OPRM1: variants seen among roughly 807,000 people sequenced by gnomAD.
The protein encoded by OPRM1 is mu-type opioid receptor.
In OPRM1, 27 loss-of-function variants were observed where a neutral mutation model predicts 31.8. That is an observed-to-expected ratio of 0.85 (90% CI 0.63 to 1.17). The LOEUF (loss-of-function observed/expected upper bound fraction) is 1.17. Among genes scored for constraint, OPRM1 ranks in the 50% most tolerant of loss-of-function variants. The pLI is 0.00. For missense variants in OPRM1, 536 were observed against 511.1 expected (o/e 1.05, Z -0.47); for synonymous variants, 196 against 189.9 (o/e 1.03, Z -0.26).
At chr6:154,080,523 CACTT>C (rs1429928298) in intron 1 of OPRM1, among the ~76,000 whole-genome samples, 2 of 152,230 alleles carry the variant, frequency 1.3e-5, no homozygotes. Context: ...CTCTCACACT[CACTT>C]ATTTCTGACG....
chr6:154,228,415 G>A (rs1222441741), intron 3 of OPRM1, among the ~76,000 whole-genome samples: 1 of 152,002 alleles, frequency 6.6e-6, no homozygotes, highest in Non-Finnish European at 1.5e-5. Context: ...CAAACCCATC[G>A]TTTGGCCATT....
In OPRM1 at chr6:154,123,051, C is replaced by A. The variant is rs1562492491; in HGVS notation, c.*4330C>A. 6.6e-6 allele frequency among the ~76,000 whole-genome samples: 1 copy of A among 152,192 alleles called. No homozygotes were observed. Among genetic ancestry groups the A allele is most frequent in the African/African-American group, 2.4e-5 (1 of 41,450 alleles). ...ATAAGCAAAAGAGGAAAGCTCTCTG[C>A]AGCAGAGACGGGAGCCCAAGTGGGT... On this transcript the variant is annotated 3_prime_UTR_variant, in exon 4 of 4. Transcript: ENST00000330432.
At chr6:154,136,084 G>T (rs1037953187), downstream of OPRM1, among the ~76,000 whole-genome samples, 3 of 152,126 alleles carry the variant, frequency 2.0e-5, no homozygotes, top group Admixed American at 6.5e-5. Context: ...CCTCCAGGAA[G>T]GCTGAGACAT....
At chr6:154,199,715 T>C (rs747264717) in intron 3 of OPRM1, 8 of 1,614,002 alleles carry the variant, frequency 5.0e-6, no homozygotes, top group Non-Finnish European at 6.8e-6. Context: ...GACAGTAAGA[T>C]GGTCATGATT....
In OPRM1 at chr6:154,109,792, C is replaced by CTGTGTGTG. The variant is rs377400514; in HGVS notation, c.1165-8857_1165-8850dup. 3.5e-3 allele frequency among the ~76,000 whole-genome samples: 356 copies of CTGTGTGTG among 101,256 alleles called. 3 individuals are homozygous for CTGTGTGTG. The highest frequency in any genetic ancestry group is 0.013 in the African/African-American group (343 of 26,300). The allele number at this position is 101,256 out of a possible 152,430, so 66.4% of individuals were successfully genotyped here. A position where few individuals can be genotyped will look rare whatever the true frequency, so the allele number is the denominator to read the frequency against. ...CCTCTCTCTCTCTCTCTCTCTCTCT[C>CTGTGTGTG]TGTGTGTGTGTGTGTGTGTGTGTGT... On this transcript the variant is annotated intron_variant, in intron 3 of 3. Coordinates refer to ENST00000330432, the MANE Select transcript of OPRM1 (RefSeq NM_000914.5).
At position 154,181,332 on chromosome 6, in the gene OPRM1, C is replaced by T. The variant is rs570892309; in HGVS notation, c.1165-65361C>T. Among the ~76,000 whole-genome samples the T allele has an allele frequency of 2.0e-5, 3 of 152,218 alleles. No homozygotes were observed. In the South Asian group the frequency reaches 6.2e-4, roughly 32 times the overall value. On this transcript the variant is annotated intron_variant, in intron 3 of 3. Transcript: ENST00000337049. ...CATTGAGTTTTTACTATGTGACATG[C>T]ACTGTGTTAATTCTTAGACCAACGT... is the stretch of plus-strand genomic sequence containing the variant.
chr6:154,165,693 C>G (rs1286468009), intron 3 of OPRM1, among the ~76,000 whole-genome samples: 1 of 152,210 alleles, frequency 6.6e-6, no homozygotes, highest in Non-Finnish European at 1.5e-5. Flanking sequence ...CTTGTGTAAT[C>G]TCCTCCCTGA....
At position 154,162,527 on chromosome 6, in the gene OPRM1, GAC is replaced by G. The variant is rs1799107914; in HGVS notation, c.1164+71056_1164+71057del. Among the ~76,000 whole-genome samples, 5 of 152,116 alleles carry G rather than the reference GAC, an allele frequency of 3.3e-5. No individual in the cohort carries two copies. In the South Asian group the frequency reaches 1.0e-3, roughly 32 times the overall value. On this transcript the variant is annotated intron_variant, in intron 3 of 3. Transcript: ENST00000337049. ...TTTATCAGCAGCACCTAAAACAATT[GAC>G]TACTCCTCCTTCTTGAACAGTTTCA...
At chr6:154,061,689 G>T (rs1378727900) in intron 1 of OPRM1, among the ~76,000 whole-genome samples, 4 of 151,938 alleles carry the variant, frequency 2.6e-5, no homozygotes, top group African/African-American at 7.3e-5. Flanking sequence ...TGGGAGGAGG[G>T]TAAGGATCAA....
downstream of OPRM1, among the ~76,000 whole-genome samples, chr6:154,135,147 T>C (rs975176582): frequency 2.6e-5 from 4 of 152,218 alleles, no homozygotes; most frequent in African/African-American, 9.6e-5. Flanking sequence ...TATCTTCCCT[T>C]ATTAAGTCTA....
chr6:154,231,244 G>C (rs1409019238), intron 3 of OPRM1, among the ~76,000 whole-genome samples: 1 of 152,154 alleles, frequency 6.6e-6, no homozygotes, highest in African/African-American at 2.4e-5. Context: ...AGAAAAGTTA[G>C]GATAAAATTC....
At chr6:154,086,311 G>A (rs956613742) in intron 1 of OPRM1, among the ~76,000 whole-genome samples, 13 of 152,148 alleles carry the variant, frequency 8.5e-5, no homozygotes, top group African/African-American at 3.1e-4. Context: ...AGTAACTGGG[G>A]TAAGAATGCT....
chr6:154,011,956 A>G (rs1777753269), intron 1 of OPRM1, among the ~76,000 whole-genome samples: 1 of 152,162 alleles, frequency 6.6e-6, no homozygotes, highest in African/African-American at 2.4e-5. Flanking sequence ...TCAACTGTCA[A>G]CTAAATAATT....
At chr6:154,109,100 C>T (rs1583585638) in intron 3 of OPRM1, 1 of 914,962 alleles carries the variant, frequency 1.1e-6, no homozygotes, top group Non-Finnish European at 1.3e-6. Context: ...AGACAATACA[C>T]TTCAGGAACG....
intron 3 of OPRM1, among the ~76,000 whole-genome samples, chr6:154,192,344 G>GTGTGTGTT (rs1801974037): frequency 4.0e-5 from 6 of 150,834 alleles, no homozygotes; most frequent in Admixed American, 1.3e-4. Context: ...GTGTGTGTGT[G>GTGTGTGTT]TGTGTGTGTA....
rs1303284039 is a variant in OPRM1, at chr6:154,130,065, T to C, written c.*11344T>C. On this transcript the variant is annotated 3_prime_UTR_variant, in exon 4 of 4. Transcript: ENST00000330432. ...CTGGAAGTAAACTTAAAATGAAAAT[T>C]AGAATTTGCTTTCAATTATACTATC... Among the ~76,000 whole-genome samples the C allele has an allele frequency of 7.3e-6, 1 of 137,232 alleles. No homozygotes were observed. The highest frequency in any genetic ancestry group is 2.3e-4 in the East Asian group (1 of 4,352). The allele number at this position is 137,232 out of a possible 152,430, so 90.0% of individuals were successfully genotyped here.
chr6:154,208,010 T>A (rs1041469835), intron 3 of OPRM1, among the ~76,000 whole-genome samples: 2 of 152,220 alleles, frequency 1.3e-5, no homozygotes, highest in Non-Finnish European at 2.9e-5. Flanking sequence ...AATAGCTTAC[T>A]GTATACCCTC....
At chr6:154,044,703 A>G (rs1225526648) in intron 1 of OPRM1, among the ~76,000 whole-genome samples, 1 of 152,240 alleles carries the variant, frequency 6.6e-6, no homozygotes, top group Non-Finnish European at 1.5e-5. Flanking sequence ...CTAAGAAGAA[A>G]ATACAAATAA....
intron 1 of OPRM1, among the ~76,000 whole-genome samples, chr6:154,088,493 T>C (rs17174771): frequency 6.9e-4 from 105 of 152,328 alleles, no homozygotes; most frequent in African/African-American, 2.4e-3. Context: ...GTTGCAATTA[T>C]TGAACTTTGC....
Sources: gnomAD v4.1 joint callset for allele counts (sites outside exome capture counted in the v4.1 genomes callset) on GRCh38, gnomAD v4.1.1 for gene constraint, MANE v1.5 for transcripts, NCBI Gene and HGNC (gene_info 2026-07-23, HGNC 2026-07-21) for gene names.